The following UBE2J2 variants were observed in gnomAD, a reference collection of about 807,000 sequenced individuals.
UBE2J2 encodes ubiquitin-conjugating enzyme E2 J2.
In UBE2J2, 5 loss-of-function variants were observed where a neutral mutation model predicts 28.6. The ratio of observed to expected loss-of-function variants is 0.17; its 90% CI spans 0.09 to 0.37. UBE2J2 has a LOEUF of 0.37. Among genes scored for constraint, UBE2J2 ranks in the 10% least tolerant of loss-of-function variants. The pLI, the probability that UBE2J2 is intolerant of heterozygous loss-of-function variation, is 1.00. For missense variants in UBE2J2, 226 were observed against 338.9 expected (o/e 0.67, Z 2.62); for synonymous variants, 138 against 139.7 (o/e 0.99, Z 0.09).
rs1419876785 is a variant in UBE2J2 at position 1,268,551 on chromosome 1, C to A, written c.1-559G>T. 6.6e-6 allele frequency among the ~76,000 whole-genome samples: 1 copy of A among 152,168 alleles called. No individual in the cohort carries two copies. The highest frequency in any genetic ancestry group is 1.9e-4 in the East Asian group (1 of 5,180). On this transcript the variant is annotated intron_variant, in intron 1 of 6. Transcript: ENST00000349431. This position sits in a 1 kb window ranked among gnomAD's most constrained non-coding sequence, Gnocchi z 4.7. ...GACGAGGACTCTGGAGACTCCAAGG[C>A]ACTCACTGGGCAGAGCAGCTGTCTT...
intron 1 of UBE2J2, among the ~76,000 whole-genome samples, chr1:1,270,715 C>T (rs1028973754): frequency 2.6e-5 from 4 of 152,120 alleles, no homozygotes; most frequent in South Asian, 2.1e-4. Flanking sequence ...CATACTGTTC[C>T]GATCACCCAC....
chr1:1,269,754 G>A (rs113554951), intron 1 of UBE2J2, among the ~76,000 whole-genome samples: 281 of 152,214 alleles, frequency 1.8e-3, no homozygotes, highest in African/African-American at 6.5e-3. Flanking sequence ...GTGAGTCCCC[G>A]CGCCCAGCCA....
At chr1:1,255,823 CCT>C (rs908861228) in intron 6 of UBE2J2, among the ~76,000 whole-genome samples, 5 of 152,236 alleles carry the variant, frequency 3.3e-5, no homozygotes, top group Non-Finnish European at 2.9e-5. Context: ...GCTCCACGCC[CCT>C]GTGGGACAGG....
chr1:1,255,072 T>C lies in UBE2J2; in HGVS notation c.*131A>G, dbSNP rs1639090508. On this transcript the variant is annotated 3_prime_UTR_variant, in exon 7 of 7. Coordinates refer to ENST00000349431, the MANE Select transcript of UBE2J2 (RefSeq NM_058167.3). ...CACACATTTTGGTTTTTGCTTCCCC[T>C]TTCAGGTTTTTAAAAGCTAAACCTA... 1 of 1,104,378 alleles carries C rather than the reference T, an allele frequency of 9.1e-7. No homozygotes were observed. 68.4% of individuals were successfully genotyped at this position (1,104,378 alleles called of 1,614,324 possible).
chr1:1,266,376 G>A (rs370777965), intron 2 of UBE2J2: 11 of 266,568 alleles, frequency 4.1e-5, no homozygotes, highest in South Asian at 1.3e-4. Flanking sequence ...CAGATCACCT[G>A]AGATAAGGAG....
chr1:1,256,297 TCCC>T (rs1639167861), intron 5 of UBE2J2, 172 bp from the exon 6 acceptor site: 3 of 548,666 alleles, frequency 5.5e-6, no homozygotes, highest in East Asian at 6.3e-5. Context: ...TTCTTAATCT[TCCC>T]CCCATCAATT....
At chr1:1,266,860 C>A (rs1440567995) in intron 2 of UBE2J2, among the ~76,000 whole-genome samples, 7 of 151,994 alleles carry the variant, frequency 4.6e-5, no homozygotes, top group African/African-American at 1.4e-4. Context: ...TTTAAAAGAT[C>A]AAAATATAAA....
At chr1:1,259,086 ACGCACGTGTG>A (rs1267315684) in intron 3 of UBE2J2, among the ~76,000 whole-genome samples, 2 of 145,638 alleles carry the variant, frequency 1.4e-5, no homozygotes, top group African/African-American at 2.7e-5. Flanking sequence ...TGCCATCAGG[ACGCACGTGTG>A]TGCATGTGTG....
At chr1:1,269,123 A>G (rs1640021953) in intron 1 of UBE2J2, among the ~76,000 whole-genome samples, 1 of 151,350 alleles carries the variant, frequency 6.6e-6, no homozygotes, top group Admixed American at 6.6e-5. Flanking sequence ...AGGCTGGATC[A>G]GGGACCCCAA....
intron 1 of UBE2J2, among the ~76,000 whole-genome samples, chr1:1,272,526 G>A (rs1333200402): frequency 1.3e-5 from 2 of 152,186 alleles, no homozygotes; most frequent in African/African-American, 4.8e-5. Flanking sequence ...GGAAGTCTCT[G>A]CCTTCTCCAC....
intron 3 of UBE2J2, among the ~76,000 whole-genome samples, chr1:1,259,125 ACGTGTGTG>A (rs1639395578): frequency 7.8e-6 from 1 of 129,000 alleles, no homozygotes; most frequent in African/African-American, 3.0e-5. Flanking sequence ...ATCAGGACGC[ACGTGTGTG>A]CATGCCATCA....
In UBE2J2 at chr1:1,268,018, C is replaced by A; in HGVS notation, c.1-26G>T. 6 of 1,609,878 alleles carry A rather than the reference C, an allele frequency of 3.7e-6. No individual in the cohort carries two copies. Among genetic ancestry groups the A allele is most frequent in the Non-Finnish European group, 5.1e-6 (6 of 1,176,808 alleles). On this transcript the variant is annotated intron_variant, in intron 1 of 6. Transcript: ENST00000349431. This position sits in a 1 kb window ranked among gnomAD's most constrained non-coding sequence, Gnocchi z 4.7. ...CTGTTAAAAGCAACGTCTACACTGACGACGAGAAGCAGCGCCGGCCACAGC... is the reference window on the plus strand; with the variant it reads ...CTGTTAAAAGCAACGTCTACACTGAAGACGAGAAGCAGCGCCGGCCACAGC...
At chr1:1,266,240 CCT>C (rs892508020) in intron 2 of UBE2J2, 1 of 1,115,762 alleles carries the variant, frequency 9.0e-7, no homozygotes, top group Admixed American at 3.5e-5. Context: ...AAGGTGGACC[CCT>C]GACCAAGCCG....
chr1:1,255,531 G>A (rs751143448), intron 6 of UBE2J2, 44 bp from the exon 7 acceptor site: 15 of 1,571,690 alleles, frequency 9.5e-6, no homozygotes, highest in East Asian at 9.0e-5. Flanking sequence ...TCCAACCAGC[G>A]CCTTTCAGGA....
chr1:1,255,544 A>T, intron 6 of UBE2J2, 57 bp from the exon 7 acceptor site: 1 of 1,556,960 alleles, frequency 6.4e-7, no homozygotes, highest in Non-Finnish European at 8.7e-7. Context: ...TTTCAGGACC[A>T]GCACTCCCGT....
intron 2 of UBE2J2, chr1:1,264,974 G>C (rs1051751883): frequency 2.6e-5 from 4 of 152,582 alleles, no homozygotes; most frequent in African/African-American, 9.6e-5. Context: ...GAGCCAGCTG[G>C]TATGTTTTAC....
At chr1:1,262,595 C>G (rs1049531825) in intron 3 of UBE2J2, among the ~76,000 whole-genome samples, 1 of 152,230 alleles carries the variant, frequency 6.6e-6, no homozygotes, top group Non-Finnish European at 1.5e-5. Flanking sequence ...GCTGCTCCAG[C>G]CACCTGAAGC....
chr1:1,258,168 T>C (rs1639320487), intron 3 of UBE2J2, among the ~76,000 whole-genome samples: 1 of 151,770 alleles, frequency 6.6e-6, no homozygotes, highest in East Asian at 1.9e-4. Flanking sequence ...GCCTCCTGAG[T>C]AGTTGGGACT....
intron 3 of UBE2J2, chr1:1,262,349 A>G (rs1445114720): frequency 2.2e-6 from 1 of 455,882 alleles, no homozygotes; most frequent in East Asian, 7.0e-5. Context: ...GTACTCCCGC[A>G]CTCTGGCTGC....
Sources: allele counts gnomAD v4.1 joint callset (sites outside exome capture counted in the v4.1 genomes callset), GRCh38; gene constraint gnomAD v4.1.1; non-coding constraint Gnocchi (gnomAD v3.1); transcripts MANE v1.5; gene names NCBI Gene and HGNC (gene_info 2026-07-23, HGNC 2026-07-21).